The following MYO18B variants were observed in gnomAD, a reference collection of about 807,000 sequenced individuals.
MYO18B encodes the protein myosin XVIIIB, also known as unconventional myosin-XVIIIb.
In MYO18B, 204 loss-of-function variants were observed where a neutral mutation model predicts 273.0. The ratio of observed to expected loss-of-function variants is 0.75; its 90% CI spans 0.67 to 0.84. The LOEUF is 0.84. Ranked by LOEUF, MYO18B falls within the 40% of genes least tolerant of loss-of-function variation. The pLI, the probability that MYO18B is intolerant of heterozygous loss-of-function variation, is 0.00. For missense variants in MYO18B, 3,212 were observed against 3,287.6 expected (o/e 0.98, Z 0.56); for synonymous variants, 1,330 against 1,305.7 (o/e 1.02, Z -0.40).
At position 25,984,489 on chromosome 22, in the gene MYO18B, C is replaced by A. The variant is rs148407935; in HGVS notation, c.6157-7874C>A. ...ATACCATTTCTAGGAGGATTGGGAT[C>A]ATTTAAAAATGTGGCAGAGGCTGGG... On this transcript the variant is annotated intron_variant, in intron 39 of 43. Transcript: ENST00000335473. 3.9e-3 allele frequency among the ~76,000 whole-genome samples: 588 copies of A among 152,272 alleles called. 6 individuals carry two copies. The highest frequency in any genetic ancestry group is 0.013 in the African/African-American group (559 of 41,554).
At chr22:26,013,675 C>T (rs780057839) in intron 42 of MYO18B, among the ~76,000 whole-genome samples, 32 of 152,258 alleles carry the variant, frequency 2.1e-4, no homozygotes, top group Admixed American at 3.3e-4. Flanking sequence ...TCCTTGCCAA[C>T]GCCTGGTTTT....
At chr22:25,876,519 G>A (rs2091203705) in intron 24 of MYO18B, among the ~76,000 whole-genome samples, 187 bp downstream of exon 24, 1 of 152,102 alleles carries the variant, frequency 6.6e-6, no homozygotes, top group Non-Finnish European at 1.5e-5. Context: ...TCCATCCCAT[G>A]CCCAGCTCCT....
At chr22:25,829,402 G>C (rs1327239022) in intron 15 of MYO18B, among the ~76,000 whole-genome samples, 1 of 151,932 alleles carries the variant, frequency 6.6e-6, no homozygotes, top group Non-Finnish European at 1.5e-5. Flanking sequence ...GTCTCACAAA[G>C]TTGAAGGTAC....
chr22:25,985,173 C>G lies in MYO18B; in HGVS notation c.6157-7190C>G, dbSNP rs183355369. ...GTCAGGAGTTAGAGACAAGCCTGGCCAACATGGTGAAATCTCATCTCTACT... is the reference window on the plus strand; with the variant it reads ...GTCAGGAGTTAGAGACAAGCCTGGCGAACATGGTGAAATCTCATCTCTACT... On this transcript the variant is annotated intron_variant, in intron 39 of 43. Coordinates refer to ENST00000335473, the MANE Select transcript of MYO18B (RefSeq NM_032608.7). Among the ~76,000 whole-genome samples, 19 of 152,130 alleles carry G rather than the reference C, an allele frequency of 1.2e-4. No homozygotes were observed. The East Asian group carries it at 3.3e-3, about 26-fold the overall frequency.
intron 22 of MYO18B, among the ~76,000 whole-genome samples, chr22:25,873,828 C>T (rs1046089537): frequency 6.6e-6 from 1 of 152,182 alleles, no homozygotes. Flanking sequence ...GGCCCTAAAC[C>T]CACAACCCAG....
At chr22:26,024,310 G>C (rs984976900) in intron 42 of MYO18B, among the ~76,000 whole-genome samples, 1 of 152,146 alleles carries the variant, frequency 6.6e-6, no homozygotes, top group Non-Finnish European at 1.5e-5. Flanking sequence ...TTCTTTCACT[G>C]TCCCAGCTGC....
At chr22:25,781,980 G>A (rs1162074668) in intron 10 of MYO18B, 146 bp downstream of exon 10, 2 of 553,336 alleles carry the variant, frequency 3.6e-6, no homozygotes, top group Non-Finnish European at 5.8e-6. Context: ...CCAGCTGTCT[G>A]GGTACACGCA....
intron 25 of MYO18B, 74 bp downstream of exon 25, chr22:25,878,122 A>G (rs2091251384): frequency 8.5e-7 from 1 of 1,173,298 alleles, no homozygotes; most frequent in South Asian, 1.4e-5. Context: ...GGGGAGAACA[A>G]TGATATGCCT....
At chr22:25,809,995 G>A (rs2088664443) in intron 12 of MYO18B, among the ~76,000 whole-genome samples, 1 of 140,692 alleles carries the variant, frequency 7.1e-6, no homozygotes, top group Non-Finnish European at 1.5e-5. Flanking sequence ...AGAATAGAAA[G>A]TTTAAAAAAA....
chr22:25,995,036 C>G (rs6004883), intron 40 of MYO18B, among the ~76,000 whole-genome samples: 1 of 152,086 alleles, frequency 6.6e-6, no homozygotes, highest in Non-Finnish European at 1.5e-5. Context: ...AAGCAAGGGA[C>G]AGTGTCCATC....
intron 34 of MYO18B, among the ~76,000 whole-genome samples, chr22:25,928,446 C>T (rs2092452010): frequency 1.3e-5 from 2 of 148,510 alleles, no homozygotes; most frequent in African/African-American, 2.5e-5. Context: ...AGCTAAATCA[C>T]AGGAGCCCTG....
At chr22:25,902,877 T>C in intron 30 of MYO18B, 141 bp downstream of exon 30, 1 of 927,848 alleles carries the variant, frequency 1.1e-6, no homozygotes, top group Non-Finnish European at 1.6e-6. Flanking sequence ...AATCCCAGTG[T>C]GTCTTAATAA....
Position 25,876,350 on chromosome 22 carries a change from GC to G in MYO18B, c.4224+19del. 6.3e-7 allele frequency: 1 copy of G among 1,597,078 alleles called. No individual in the cohort carries two copies. On this transcript the variant is annotated intron_variant, in intron 24 of 43. Coordinates refer to ENST00000335473, the MANE Select transcript of MYO18B (RefSeq NM_032608.7). ...CCAAGGAGGTCAGTCTATGTGGCAG[GC>G]AGGGTGCTGGGTGGCTACTCCCCAC...
intron 13 of MYO18B, 129 bp from the exon 14 acceptor site, chr22:25,826,280 T>A (rs8143030): frequency 1.6e-6 from 1 of 623,452 alleles, no homozygotes. Flanking sequence ...GAAATAATTT[T>A]AGCAGTGGAG....
intron 1 of MYO18B, among the ~76,000 whole-genome samples, chr22:25,754,926 G>A (rs2086061980): frequency 6.6e-6 from 1 of 152,218 alleles, no homozygotes; most frequent in African/African-American, 2.4e-5. Flanking sequence ...CCTGGAGCCC[G>A]AAGCTGAGGG....
the MYO18B span, among the ~76,000 whole-genome samples, chr22:26,063,785 A>C: frequency 6.6e-6 from 1 of 152,224 alleles, no homozygotes. Flanking sequence ...ATTCCAGCTC[A>C]AACCATAAAG....
intron 1 of MYO18B, among the ~76,000 whole-genome samples, chr22:25,753,841 C>T (rs577712380): frequency 3.5e-4 from 53 of 152,298 alleles, no homozygotes; most frequent in African/African-American, 1.2e-3. Context: ...CTGGATATAC[C>T]GTCTTTAAGA....
At chr22:25,922,336 G>T (rs1466914098) in intron 34 of MYO18B, among the ~76,000 whole-genome samples, 2 of 152,180 alleles carry the variant, frequency 1.3e-5, no homozygotes, top group Non-Finnish European at 2.9e-5. Flanking sequence ...GATGTGATGA[G>T]TGTGGGCGGT....
At chr22:25,801,625 A>G (rs1254478763) in intron 12 of MYO18B, among the ~76,000 whole-genome samples, 1 of 152,214 alleles carries the variant, frequency 6.6e-6, no homozygotes, top group Non-Finnish European at 1.5e-5. Flanking sequence ...ACAAGCAAAC[A>G]GAGGCTCAGA....
Sources: gnomAD v4.1 joint callset for allele counts (sites outside exome capture counted in the v4.1 genomes callset) on GRCh38, gnomAD v4.1.1 for gene constraint, MANE v1.5 for transcripts, NCBI Gene and HGNC (gene_info 2026-07-23, HGNC 2026-07-21) for gene names.